Variants in GRID1 observed in about 807,000 individuals in gnomAD.
GRID1 encodes the protein glutamate receptor ionotropic, delta-1.
In GRID1, 28 loss-of-function variants were observed where a neutral mutation model predicts 98.0. The observed-to-expected ratio is 0.29, with a 90% CI of 0.21 to 0.39. The LOEUF is 0.39. Ranked by LOEUF, GRID1 falls within the 10% of genes least tolerant of loss-of-function variation. GRID1 has a pLI of 1.00. For missense variants in GRID1, 1,111 were observed against 1,340.5 expected (o/e 0.83, Z 2.67); for synonymous variants, 553 against 538.5 (o/e 1.03, Z -0.37).
chr10:86,140,517 G>A (rs757101399), intron 3 of GRID1, among the ~76,000 whole-genome samples: 24 of 152,226 alleles, frequency 1.6e-4, no homozygotes, highest in African/African-American at 5.3e-4. Context: ...ACCACTAAGC[G>A]TAGTCCCAGC....
chr10:86,030,894 G>C (rs1843177188), intron 4 of GRID1, among the ~76,000 whole-genome samples: 1 of 152,160 alleles, frequency 6.6e-6, no homozygotes, highest in African/African-American at 2.4e-5. Flanking sequence ...ACATGTTCAA[G>C]ATGGTGGCTC....
At chr10:85,751,513 T>C (rs1842045584) in intron 8 of GRID1, among the ~76,000 whole-genome samples, 1 of 152,168 alleles carries the variant, frequency 6.6e-6, no homozygotes, top group Non-Finnish European at 1.5e-5. Context: ...ATGGCTTCCC[T>C]TGTTCAGTCT....
chr10:85,834,676 T>G (rs1842897312), intron 8 of GRID1, among the ~76,000 whole-genome samples: 1 of 152,146 alleles, frequency 6.6e-6, no homozygotes, highest in Admixed American at 6.6e-5. Flanking sequence ...ATTTCTACAC[T>G]TCACTCAAAG....
intron 3 of GRID1, among the ~76,000 whole-genome samples, chr10:86,165,741 G>C (rs1845389286): frequency 6.6e-6 from 1 of 152,182 alleles, no homozygotes; most frequent in African/African-American, 2.4e-5. Context: ...GTGACAAACT[G>C]TCCCACTGAC....
intron 4 of GRID1, among the ~76,000 whole-genome samples, chr10:86,106,485 G>T (rs1844388434): frequency 6.6e-6 from 1 of 151,608 alleles, no homozygotes; most frequent in African/African-American, 2.4e-5. Context: ...GGAGGGGCCT[G>T]CTTCAGGTGT....
intron 4 of GRID1, among the ~76,000 whole-genome samples, chr10:86,100,997 T>C (rs1401304932): frequency 6.6e-6 from 1 of 152,140 alleles, no homozygotes; most frequent in East Asian, 1.9e-4. Flanking sequence ...CACTGGTGAC[T>C]GATAGGGGGA....
At position 85,637,842 on chromosome 10, in the gene GRID1, C is replaced by T. The variant is rs191166102; in HGVS notation, c.2193+9360G>A. Among the ~76,000 whole-genome samples, 5 of 152,310 alleles carry T rather than the reference C, an allele frequency of 3.3e-5. No homozygotes were observed. The East Asian group carries it at 9.6e-4, about 29-fold the overall frequency. Reference sequence around the variant, plus strand: ...AAGCAGAATGTATCCCCGCTCTGGGCATCCATATTCTTTCCCACATTAAAT... The same window carrying T: ...AAGCAGAATGTATCCCCGCTCTGGGTATCCATATTCTTTCCCACATTAAAT... On this transcript the variant is annotated intron_variant, in intron 13 of 15. Coordinates refer to ENST00000327946, the MANE Select transcript of GRID1 (RefSeq NM_017551.3).
At chr10:85,981,667 C>A (rs970988132) in intron 4 of GRID1, among the ~76,000 whole-genome samples, 7 of 152,180 alleles carry the variant, frequency 4.6e-5, no homozygotes, top group African/African-American at 1.7e-4. Context: ...TCTTTCCCCA[C>A]TCCCACTGCC....
chr10:86,327,993 CCTAA>C (rs756625061), intron 2 of GRID1, among the ~76,000 whole-genome samples: 1 of 130,114 alleles, frequency 7.7e-6, no homozygotes, highest in Non-Finnish European at 1.8e-5. Context: ...TTAAAAACAA[CCTAA>C]CTATCTATTA....
At chr10:85,915,045 C>A (rs1050090227) in intron 5 of GRID1, among the ~76,000 whole-genome samples, 1 of 152,106 alleles carries the variant, frequency 6.6e-6, no homozygotes, top group Admixed American at 6.5e-5. Flanking sequence ...AGACAGGGTA[C>A]AAGTAATGAA....
At position 86,365,523 on chromosome 10, in the gene GRID1, A is replaced by G. The variant is rs1848664097; in HGVS notation, c.79+791T>C. Reference sequence around the variant, plus strand: ...CTCTCCCGGTTCTCTCTCTCTATCCATCTCTTCCCGCTCAGCATCCCCCTA... The same window carrying G: ...CTCTCCCGGTTCTCTCTCTCTATCCGTCTCTTCCCGCTCAGCATCCCCCTA... On this transcript the variant is annotated intron_variant, in intron 1 of 15. Transcript: ENST00000327946. The surrounding 1 kb of genome is among the most constrained non-coding windows in gnomAD (Gnocchi z 4.8). 7.0e-6 allele frequency among the ~76,000 whole-genome samples: 1 copy of G among 143,400 alleles called. No individual in the cohort carries two copies. 94.1% of individuals were successfully genotyped at this position (143,400 alleles called of 152,430 possible).
chr10:86,143,566 C>T (rs553113741), intron 3 of GRID1, among the ~76,000 whole-genome samples: 74 of 152,322 alleles, frequency 4.9e-4, no homozygotes, highest in Middle Eastern at 3.4e-3. Context: ...CCCCAGCAAG[C>T]TCCCTGTACA....
In GRID1 at chr10:86,323,304, G is replaced by A. The variant is rs181722157; in HGVS notation, c.235+40637C>T. On this transcript the variant is annotated intron_variant, in intron 2 of 15. Transcript: ENST00000327946. Reference sequence around the variant, plus strand: ...TGCCTGTTAAGTGGGGAGCAGCCCCGACCTCACAGAGTTGTCAGCAGAATT... The same window carrying A: ...TGCCTGTTAAGTGGGGAGCAGCCCCAACCTCACAGAGTTGTCAGCAGAATT... 7.6e-3 allele frequency among the ~76,000 whole-genome samples: 1,156 copies of A among 152,284 alleles called. 12 individuals are homozygous for A. The highest frequency in any genetic ancestry group is 0.013 in the Non-Finnish European group (877 of 68,032).
intron 2 of GRID1, among the ~76,000 whole-genome samples, chr10:86,243,765 T>A (rs1846674795): frequency 6.6e-6 from 1 of 151,952 alleles, no homozygotes; most frequent in South Asian, 2.1e-4. Context: ...CAGCATGGGG[T>A]TCCCACCTTC....
At chr10:85,955,115 G>A (rs1842172509) in intron 4 of GRID1, among the ~76,000 whole-genome samples, 1 of 152,144 alleles carries the variant, frequency 6.6e-6, no homozygotes. Flanking sequence ...ATTCCCCCTG[G>A]GTGACTCCCA....
intron 4 of GRID1, among the ~76,000 whole-genome samples, chr10:85,955,699 C>T (rs1842180391): frequency 6.6e-6 from 1 of 151,968 alleles, no homozygotes; most frequent in East Asian, 1.9e-4. Flanking sequence ...TCCAGGCTGT[C>T]CTTTCTCCAT....
chr10:86,027,280 C>T (rs994681004), intron 4 of GRID1, among the ~76,000 whole-genome samples: 1 of 152,184 alleles, frequency 6.6e-6, no homozygotes, highest in Non-Finnish European at 1.5e-5. Context: ...CCCCTGCAAC[C>T]ACTCATTGCT....
At chr10:86,157,468 C>T (rs559342665) in intron 3 of GRID1, among the ~76,000 whole-genome samples, 27 of 152,312 alleles carry the variant, frequency 1.8e-4, no homozygotes, top group East Asian at 3.9e-4. Context: ...GAGCACAAAA[C>T]GGTGCTGCCT....
chr10:85,952,124 T>C (rs992518095), intron 4 of GRID1, among the ~76,000 whole-genome samples: 2 of 152,216 alleles, frequency 1.3e-5, no homozygotes, highest in Non-Finnish European at 2.9e-5. Context: ...CTGTCTCTTA[T>C]AGCACAGTGC....
Sources: allele counts gnomAD v4.1 joint callset (sites outside exome capture counted in the v4.1 genomes callset), GRCh38; gene constraint gnomAD v4.1.1; non-coding constraint Gnocchi (gnomAD v3.1); transcripts MANE v1.5; gene names NCBI Gene and HGNC (gene_info 2026-07-23, HGNC 2026-07-21).